PTPRT: variants seen among roughly 807,000 people sequenced by gnomAD.
PTPRT encodes protein tyrosine phosphatase receptor type T, also known as receptor-type tyrosine-protein phosphatase T.
A neutral mutation model predicts 176.8 loss-of-function variants in PTPRT; 56 were observed. The observed-to-expected ratio is 0.32, with a 90% CI of 0.26 to 0.40. PTPRT has a LOEUF of 0.40. PTPRT is among the 10% of genes least tolerant of loss of function. PTPRT has a pLI of 1.00. For synonymous variants in PTPRT, 783 were observed against 739.0 expected (o/e 1.06, Z -0.96); for missense variants, 1,540 against 1,908.2 (o/e 0.81, Z 3.60).
In PTPRT at chr20:42,825,926, C is replaced by T. The variant is rs544425487; in HGVS notation, c.215-34460G>A. 1.6e-4 allele frequency among the ~76,000 whole-genome samples: 24 copies of T among 152,156 alleles called. No individual in the cohort carries two copies. The South Asian group carries it at 1.9e-3, about 12-fold the overall frequency. On this transcript the variant is annotated intron_variant, in intron 2 of 30. Coordinates refer to ENST00000373187, the MANE Select transcript of PTPRT (RefSeq NM_007050.6). ...AAATGGGGCAACCAGATTATTCTAACGGCAGGAACACCTAGGGCTGAAAAC... is the reference window on the plus strand; with the variant it reads ...AAATGGGGCAACCAGATTATTCTAATGGCAGGAACACCTAGGGCTGAAAAC...
chr20:42,070,128 C>A (rs550579914), downstream of PTPRT, among the ~76,000 whole-genome samples: 1 of 152,080 alleles, frequency 6.6e-6, no homozygotes, highest in East Asian at 1.9e-4. Flanking sequence ...CTGTTCTTTT[C>A]TCCTTGCCAC....
chr20:42,850,869 C>T (rs549292962), intron 2 of PTPRT, among the ~76,000 whole-genome samples: 6 of 152,282 alleles, frequency 3.9e-5, no homozygotes, highest in South Asian at 2.1e-4. Context: ...TACCTCCTGA[C>T]GCCCTTTCTT....
chr20:42,350,790 C>G (rs929071), intron 10 of PTPRT, 60 bp from the exon 11 acceptor site: 1 of 1,249,894 alleles, frequency 8.0e-7, no homozygotes, highest in Non-Finnish European at 1.2e-6. Context: ...GGCTCCCCAC[C>G]GCCCCTTGCT....
At chr20:42,856,519 G>A (rs927484971) in intron 2 of PTPRT, among the ~76,000 whole-genome samples, 1 of 152,012 alleles carries the variant, frequency 6.6e-6, no homozygotes, top group Non-Finnish European at 1.5e-5. Flanking sequence ...TAAGCTCTAC[G>A]AAACAAGCAA....
At chr20:42,308,444 T>A (rs1327621609) in intron 12 of PTPRT, among the ~76,000 whole-genome samples, 1 of 152,036 alleles carries the variant, frequency 6.6e-6, no homozygotes, top group Non-Finnish European at 1.5e-5. Context: ...TCCTCCAAAG[T>A]TAGGAAGGTG....
chr20:42,255,486 C>T (rs974319726), intron 13 of PTPRT, among the ~76,000 whole-genome samples: 4 of 152,144 alleles, frequency 2.6e-5, no homozygotes, highest in African/African-American at 9.7e-5. Flanking sequence ...GAGGCAATGC[C>T]TCCTTGTAAC....
intron 7 of PTPRT, among the ~76,000 whole-genome samples, chr20:42,529,837 C>A: frequency 1.5e-5 from 2 of 130,626 alleles, no homozygotes; most frequent in Non-Finnish European, 1.6e-5. Flanking sequence ...TCCTGTGCAA[C>A]TTGTTAGAGG....
At chr20:42,475,427 C>T (rs959207084) in intron 7 of PTPRT, among the ~76,000 whole-genome samples, 1 of 152,194 alleles carries the variant, frequency 6.6e-6, no homozygotes, top group African/African-American at 2.4e-5. Flanking sequence ...AACCAAAGCT[C>T]TTTGAGACAA....
At chr20:42,962,046 T>C (rs962509173) in intron 1 of PTPRT, among the ~76,000 whole-genome samples, 3 of 152,216 alleles carry the variant, frequency 2.0e-5, no homozygotes, top group African/African-American at 7.2e-5. Flanking sequence ...CCTGCTGAGT[T>C]TAGACTTCTG....
At chr20:43,068,747 G>A (rs983018587) in intron 1 of PTPRT, among the ~76,000 whole-genome samples, 2 of 152,094 alleles carry the variant, frequency 1.3e-5, no homozygotes, top group African/African-American at 4.8e-5. Flanking sequence ...ATAACTACAG[G>A]GCAGTCGGAT....
intron 7 of PTPRT, among the ~76,000 whole-genome samples, chr20:42,633,448 C>A (rs1259004082): frequency 6.6e-6 from 1 of 151,834 alleles, no homozygotes; most frequent in East Asian, 1.9e-4. Context: ...TCCATTTAAA[C>A]CCCAATCTAA....
intron 1 of PTPRT, among the ~76,000 whole-genome samples, chr20:42,886,992 C>G (rs1277483441): frequency 6.6e-6 from 1 of 152,196 alleles, no homozygotes; most frequent in Admixed American, 6.5e-5. Flanking sequence ...AGCCTCCTGG[C>G]TGGTCTCCCA....
intron 1 of PTPRT, among the ~76,000 whole-genome samples, chr20:42,948,508 G>A (rs1347708917): frequency 1.3e-5 from 2 of 152,140 alleles, no homozygotes; most frequent in Non-Finnish European, 2.9e-5. Flanking sequence ...GGATTTGAAT[G>A]GTTGGTGATG....
At chr20:43,134,792 T>C (rs2013769869) in intron 1 of PTPRT, among the ~76,000 whole-genome samples, 1 of 152,248 alleles carries the variant, frequency 6.6e-6, no homozygotes, top group South Asian at 2.1e-4. Flanking sequence ...TTGTCAGTTT[T>C]GTTGTCTGTG....
intron 1 of PTPRT, among the ~76,000 whole-genome samples, chr20:43,029,380 G>C (rs577362476): frequency 7.9e-5 from 12 of 152,302 alleles, no homozygotes; most frequent in African/African-American, 2.9e-4. Context: ...AAGTGCTTCG[G>C]CTTTCATCAC....
At chr20:42,085,969 T>C in intron 27 of PTPRT, 116 bp from the exon 28 acceptor site, 2 of 1,225,936 alleles carry the variant, frequency 1.6e-6, no homozygotes, top group African/African-American at 1.5e-5. Context: ...TTTTTTGAGA[T>C]GGAGCATCAC....
At chr20:42,879,853 A>G (rs192167057) in intron 2 of PTPRT, among the ~76,000 whole-genome samples, 2 of 152,050 alleles carry the variant, frequency 1.3e-5, no homozygotes, top group South Asian at 2.1e-4. Context: ...AGCTTTTTGT[A>G]TTTTTCTGCT....
intron 9 of PTPRT, among the ~76,000 whole-genome samples, chr20:42,371,230 G>C (rs1290885124): frequency 6.6e-6 from 1 of 152,182 alleles, no homozygotes; most frequent in African/African-American, 2.4e-5. Context: ...CTGTACCACT[G>C]GTCGGTGAAG....
chr20:43,131,211 C>T (rs1304112039), intron 1 of PTPRT, among the ~76,000 whole-genome samples: 1 of 152,242 alleles, frequency 6.6e-6, no homozygotes, highest in Non-Finnish European at 1.5e-5. Context: ...TCCCATCAGA[C>T]TTGGTCCCCA....
Sources: gnomAD v4.1 joint callset for allele counts (sites outside exome capture counted in the v4.1 genomes callset) on GRCh38, gnomAD v4.1.1 for gene constraint, MANE v1.5 for transcripts, NCBI Gene and HGNC (gene_info 2026-07-23, HGNC 2026-07-21) for gene names.